The following CORIN variants were observed in gnomAD, a reference collection of about 807,000 sequenced individuals.
CORIN encodes the protein corin, serine peptidase.
A neutral mutation model predicts 125.3 loss-of-function variants in CORIN; 117 were observed. That is an observed-to-expected ratio of 0.93 (90% CI 0.80 to 1.09). The LOEUF is 1.09. Ranked by LOEUF, CORIN falls within the 50% of genes least tolerant of loss-of-function variation. CORIN has a pLI of 0.00. For synonymous variants in CORIN, 450 were observed against 466.4 expected (o/e 0.96, Z 0.45); for missense variants, 1,253 against 1,306.7 (o/e 0.96, Z 0.63).
intron 5 of CORIN, among the ~76,000 whole-genome samples, chr4:47,702,507 G>A (rs1198916096): frequency 6.6e-6 from 1 of 152,132 alleles, no homozygotes; most frequent in African/African-American, 2.4e-5. Context: ...AGTTTGAAGA[G>A]CCATCCCATG....
intron 1 of CORIN, among the ~76,000 whole-genome samples, chr4:47,821,995 TA>T (rs1431720824): frequency 6.6e-6 from 1 of 152,176 alleles, no homozygotes; most frequent in Non-Finnish European, 1.5e-5. Context: ...TTGAAGAAGT[TA>T]GGGGAAAGAT....
At position 47,786,608 on chromosome 4, in the gene CORIN, T is replaced by G. The variant is rs79091182; in HGVS notation, c.409+117A>C. 2.8e-4 allele frequency: 207 copies of G among 733,604 alleles called. 1 individual carries two copies. In the African/African-American group the frequency reaches 3.3e-3, roughly 12 times the overall value. 45.4% of individuals were successfully genotyped at this position (733,604 alleles called of 1,614,324 possible). A position where few individuals can be genotyped will look rare whatever the true frequency, so the allele number is the denominator to read the frequency against. On this transcript the variant is annotated intron_variant, in intron 3 of 21. Coordinates refer to ENST00000273857, the MANE Select transcript of CORIN (RefSeq NM_006587.4). ...CAGCTACGCTTACCAGGAAACTGAGTGGAGATTTTCCTGTGTGACCGGCAA... is the reference window on the plus strand; with the variant it reads ...CAGCTACGCTTACCAGGAAACTGAGGGGAGATTTTCCTGTGTGACCGGCAA...
chr4:47,748,608 T>C (rs1185783389), intron 4 of CORIN, among the ~76,000 whole-genome samples: 6 of 152,148 alleles, frequency 3.9e-5, no homozygotes, highest in Non-Finnish European at 8.8e-5. Context: ...CTACCAAAAC[T>C]TGTACAGTTT....
chr4:47,669,480 T>G (rs977827095), intron 10 of CORIN, among the ~76,000 whole-genome samples: 1 of 151,948 alleles, frequency 6.6e-6, no homozygotes, highest in Non-Finnish European at 1.5e-5. Context: ...GTCAAGAAAC[T>G]GAACTCAGGC....
intron 19 of CORIN, among the ~76,000 whole-genome samples, chr4:47,607,982 A>G (rs1000800164): frequency 6.6e-6 from 1 of 151,702 alleles, no homozygotes; most frequent in East Asian, 1.9e-4. Context: ...CCATTGGAGA[A>G]ACACATGGAA....
intron 2 of CORIN, among the ~76,000 whole-genome samples, chr4:47,806,005 T>A (rs1335684606): frequency 6.6e-6 from 1 of 152,240 alleles, no homozygotes; most frequent in Non-Finnish European, 1.5e-5. Context: ...TTTCAAACTT[T>A]AAGTATCATT....
intron 3 of CORIN, among the ~76,000 whole-genome samples, chr4:47,775,613 A>T: frequency 6.6e-6 from 1 of 152,108 alleles, no homozygotes. Flanking sequence ...AATGACTGGC[A>T]TGCTTTAAAC....
chr4:47,734,369 C>G (rs1389688582), intron 5 of CORIN, among the ~76,000 whole-genome samples: 1 of 152,182 alleles, frequency 6.6e-6, no homozygotes, highest in Admixed American at 6.5e-5. Context: ...AGGAACCTGA[C>G]ACCCAACGCA....
chr4:47,801,185 C>A (rs1560555290), intron 2 of CORIN, among the ~76,000 whole-genome samples: 2 of 152,200 alleles, frequency 1.3e-5, no homozygotes, highest in Non-Finnish European at 2.9e-5. Context: ...TTCTCCATTT[C>A]TTGACCTGCT....
chr4:47,627,373 A>G (rs1722622459), intron 16 of CORIN, among the ~76,000 whole-genome samples: 1 of 152,216 alleles, frequency 6.6e-6, no homozygotes, highest in East Asian at 1.9e-4. Context: ...AAGGCAAGGA[A>G]GAACCCTCTA....
At position 47,623,711 on chromosome 4, in the gene CORIN, T is replaced by A; in HGVS notation, c.2400A>T (p.Lys800Asn). 1 of 1,614,208 alleles carries A rather than the reference T, an allele frequency of 6.2e-7. No individual in the cohort carries two copies. Among genetic ancestry groups the A allele is most frequent in the Non-Finnish European group, 8.5e-7 (1 of 1,180,024 alleles). Residue 800 changes from lysine (K) to asparagine (N), a missense_variant, in exon 19 of 22, where the codon AAA (lysine) becomes AAT (asparagine). Transcript: ENST00000273857. Reference sequence around the variant, plus strand: ...GACTCGTCCGACCTCCAAGGATCCTTTTGTTCATTCGGGCAGCAGGGCGGC... The same window carrying A: ...GACTCGTCCGACCTCCAAGGATCCTATTGTTCATTCGGGCAGCAGGGCGGC... ...CGRRPAARMN[K>N]RILGGRTSRP...
chr4:47,595,605 GA>G lies in CORIN; in HGVS notation c.*115del. 1.5e-6 allele frequency: 1 copy of G among 674,498 alleles called. No homozygotes were observed. Among genetic ancestry groups the G allele is most frequent in the Admixed American group, 2.8e-5 (1 of 35,498 alleles). 41.8% of individuals were successfully genotyped at this position (674,498 alleles called of 1,614,324 possible). On this transcript the variant is annotated 3_prime_UTR_variant, in exon 22 of 22. Coordinates refer to ENST00000273857, the MANE Select transcript of CORIN (RefSeq NM_006587.4). ...ACATGCAAATTTGCAGTGCACGATT[GA>G]GCATTTCTGTCCATGAAAAGTGCTT...
At position 47,652,814 on chromosome 4, in the gene CORIN, G is replaced by A. The variant is rs555445033; in HGVS notation, c.1843+739C>T. 86 of 152,312 alleles carry A rather than the reference G, an allele frequency of 5.6e-4. 1 individual carries two copies. Among genetic ancestry groups the A allele is most frequent in the African/African-American group, 2.1e-3 (86 of 41,578 alleles). 9.4% of individuals were successfully genotyped at this position (152,312 alleles called of 1,614,324 possible). A position where few individuals can be genotyped will look rare whatever the true frequency, so the allele number is the denominator to read the frequency against. On this transcript the variant is annotated intron_variant, in intron 13 of 21. Coordinates refer to ENST00000273857, the MANE Select transcript of CORIN (RefSeq NM_006587.4). The stretch of plus-strand genomic sequence containing the variant: ...TGGAGTCTGAACTCTGAATGTTGGA[G>A]TATGAACTCTGCCTTCATGCATCTA...
At chr4:47,684,082 T>C (rs1389125789) in intron 6 of CORIN, among the ~76,000 whole-genome samples, 1 of 152,220 alleles carries the variant, frequency 6.6e-6, no homozygotes, top group Non-Finnish European at 1.5e-5. Context: ...TTCTATTTTA[T>C]GTCACCTGAA....
chr4:47,787,539 AAACT>A (rs1353649133), intron 2 of CORIN, among the ~76,000 whole-genome samples: 1 of 152,134 alleles, frequency 6.6e-6, no homozygotes, highest in Admixed American at 6.5e-5. Context: ...TCTAAAGCAC[AAACT>A]AAAAGAAGAA....
At chr4:47,639,725 T>G (rs1010805706) in intron 16 of CORIN, among the ~76,000 whole-genome samples, 1 of 152,210 alleles carries the variant, frequency 6.6e-6, no homozygotes. Context: ...ACTTAGAGTT[T>G]ATTTGAGGCA....
chr4:47,711,114 G>T (rs1316844063), intron 5 of CORIN, among the ~76,000 whole-genome samples: 1 of 152,018 alleles, frequency 6.6e-6, no homozygotes, highest in Non-Finnish European at 1.5e-5. Context: ...CACTGGCAGG[G>T]GTCTCAGCAT....
intron 4 of CORIN, among the ~76,000 whole-genome samples, chr4:47,757,402 T>A (rs1729200270): frequency 6.6e-6 from 1 of 152,052 alleles, no homozygotes. Context: ...GAGACCAGCC[T>A]GGCCAATATG....
At chr4:47,729,821 C>A (rs747454037) in intron 5 of CORIN, among the ~76,000 whole-genome samples, 3 of 152,090 alleles carry the variant, frequency 2.0e-5, no homozygotes, top group African/African-American at 7.2e-5. Context: ...AATATCGGAA[C>A]CAGCAGATCA....
Sources: allele counts gnomAD v4.1 joint callset (sites outside exome capture counted in the v4.1 genomes callset), GRCh38; gene constraint gnomAD v4.1.1; transcripts MANE v1.5; gene names NCBI Gene and HGNC (gene_info 2026-07-23, HGNC 2026-07-21).